Variants in SOX5 observed in about 807,000 individuals in gnomAD.
SOX5 encodes the protein SRY-box transcription factor 5.
SOX5 carries 9 observed loss-of-function variants against 92.0 expected under a neutral mutation model. That is an observed-to-expected ratio of 0.10 (90% CI 0.06 to 0.17). The LOEUF (loss-of-function observed/expected upper bound fraction) is 0.17. Ranked by LOEUF, SOX5 falls within the 10% of genes least tolerant of loss-of-function variation. SOX5 has a pLI of 1.00. For missense variants in SOX5, 642 were observed against 944.5 expected, an observed-to-expected ratio of 0.68 and a Z score of 4.20; for synonymous variants, 344 against 336.3, an observed-to-expected ratio of 1.02 and a Z score of -0.25.
chr12:23,976,828 T>TA (rs1484471856), intron 4 of SOX5, among the ~76,000 whole-genome samples: 1 of 151,634 alleles, frequency 6.6e-6, no homozygotes, highest in East Asian at 1.9e-4. Context: ...TTTTTTTTTT[T>TA]AAAACAAAAA....
At chr12:24,092,310 A>T (rs918842262) in intron 4 of SOX5, among the ~76,000 whole-genome samples, 6 of 150,254 alleles carry the variant, frequency 4.0e-5, no homozygotes, top group African/African-American at 1.5e-4. Context: ...ATGCTGCGGA[A>T]TTTTTTTTTT....
intron 4 of SOX5, among the ~76,000 whole-genome samples, chr12:23,745,955 C>T (rs1355759190): frequency 1.3e-5 from 2 of 152,072 alleles, no homozygotes; most frequent in Non-Finnish European, 2.9e-5. Context: ...TCATCTAACA[C>T]CGTTTAATGA....
At chr12:24,385,017 TGAGAGAGA>T (rs144729275) in intron 1 of SOX5, among the ~76,000 whole-genome samples, 1 of 150,512 alleles carries the variant, frequency 6.6e-6, no homozygotes, top group Non-Finnish European at 1.5e-5. Flanking sequence ...TAAGATATTT[TGAGAGAGA>T]GAGAGAGAGA....
intron 1 of SOX5, among the ~76,000 whole-genome samples, chr12:24,401,356 G>GAAAA (rs1425838279): frequency 0.19 from 27,358 of 143,810 alleles, 3,177 homozygotes; most frequent in South Asian, 0.27. Context: ...CATCTCAGGG[G>GAAAA]AAAAAAAAAA....
intron 1 of SOX5, among the ~76,000 whole-genome samples, chr12:24,424,200 AATAG>A (rs932215245): frequency 2.8e-4 from 43 of 152,318 alleles, no homozygotes; most frequent in African/African-American, 9.1e-4. Flanking sequence ...CAGCTTTAAG[AATAG>A]ATAAAGGACT....
rs1005020256 is a variant in SOX5, at chr12:23,981,124, A to G, written c.-1-85100T>C. On this transcript the variant is annotated intron_variant, in intron 4 of 4. Coordinates refer to the SOX5 transcript ENST00000446891. ...TATATCTATATGGTAGGGACTTTCAATCAGTAGCCAGGATCTGCTACTAGA... is the reference window on the plus strand; with the variant it reads ...TATATCTATATGGTAGGGACTTTCAGTCAGTAGCCAGGATCTGCTACTAGA... Among the ~76,000 whole-genome samples, 5 of 152,228 alleles carry G rather than the reference A, an allele frequency of 3.3e-5. 1 individual carries two copies. The South Asian group carries it at 6.2e-4, about 19-fold the overall frequency.
intron 3 of SOX5, among the ~76,000 whole-genome samples, chr12:24,232,845 A>T (rs1181684801): frequency 6.6e-6 from 1 of 152,198 alleles, no homozygotes; most frequent in Non-Finnish European, 1.5e-5. Context: ...TATAATATCC[A>T]TATTTCCGAC....
chr12:24,478,736 T>G (rs564297007), intron 1 of SOX5, among the ~76,000 whole-genome samples: 34 of 152,356 alleles, frequency 2.2e-4, no homozygotes, highest in Admixed American at 9.1e-4. Flanking sequence ...TCCACTGAAG[T>G]CTTTTATTCC....
intron 9 of SOX5, among the ~76,000 whole-genome samples, chr12:23,590,200 G>A (rs892008268): frequency 1.3e-5 from 2 of 151,958 alleles, no homozygotes; most frequent in Non-Finnish European, 2.9e-5. Context: ...CTGAGAAAGT[G>A]ATTTCATCTG....
At chr12:24,048,366 T>C (rs1270045674) in intron 4 of SOX5, among the ~76,000 whole-genome samples, 1 of 152,160 alleles carries the variant, frequency 6.6e-6, no homozygotes, top group Non-Finnish European at 1.5e-5. Context: ...ATTCCGCATG[T>C]CTCAAGTCCA....
intron 1 of SOX5, among the ~76,000 whole-genome samples, chr12:24,504,935 C>T (rs940839815): frequency 3.3e-5 from 5 of 152,112 alleles, no homozygotes; most frequent in African/African-American, 7.2e-5. Context: ...AAAAAAATAC[C>T]ATATCTATGT....
chr12:24,076,087 T>A (rs1357692623), intron 4 of SOX5, among the ~76,000 whole-genome samples: 2 of 152,116 alleles, frequency 1.3e-5, no homozygotes, highest in Non-Finnish European at 2.9e-5. Context: ...TGAGAGAGTG[T>A]TTTTTGTCGT....
chr12:24,460,017 A>T lies in SOX5; in HGVS notation c.-250-91378T>A, dbSNP rs988349613. Among the ~76,000 whole-genome samples, 3 of 152,204 alleles carry T rather than the reference A, an allele frequency of 2.0e-5. No individual in the cohort carries two copies. In the East Asian group the frequency reaches 5.8e-4, roughly 29 times the overall value. On this transcript the variant is annotated intron_variant, in intron 1 of 4. Transcript: ENST00000446891. ...CAGTTTTATTATAGTTCACGAAGTG[A>T]GCAAGAAAAAATTGTGTCTGCATCA...
chr12:23,991,439 A>G (rs115593199), intron 4 of SOX5, among the ~76,000 whole-genome samples: 2,780 of 152,064 alleles, frequency 0.018, 86 homozygotes, highest in African/African-American at 0.063. Context: ...TTCTGCAGTA[A>G]AATATATTAT....
chr12:23,803,625 A>G (rs1200982990), intron 3 of SOX5, among the ~76,000 whole-genome samples: 4 of 152,236 alleles, frequency 2.6e-5, no homozygotes, highest in Admixed American at 2.6e-4. Flanking sequence ...AGGAACACAA[A>G]AATGAAATGA....
chr12:24,406,210 G>A (rs1200672061), intron 1 of SOX5, among the ~76,000 whole-genome samples: 5 of 152,126 alleles, frequency 3.3e-5, no homozygotes, highest in Admixed American at 2.0e-4. Flanking sequence ...GATCAACGGC[G>A]GTATTCACAA....
chr12:24,296,933 A>G (rs1462169261), intron 2 of SOX5, among the ~76,000 whole-genome samples: 1 of 22,552 alleles, frequency 4.4e-5, no homozygotes, highest in African/African-American at 1.4e-4. Context: ...ACAGACAGAC[A>G]CACACACACA....
rs1951035647 is a variant in SOX5 at position 23,588,369 on chromosome 12, T to C, written c.1165-12531A>G. Among the ~76,000 whole-genome samples, 2 of 151,998 alleles carry C rather than the reference T, an allele frequency of 1.3e-5. 1 individual carries two copies. Among genetic ancestry groups the C allele is most frequent in the South Asian group, 4.1e-4 (2 of 4,832 alleles). Reference sequence around the variant, plus strand: ...TTAAGTGTCTATACTGTGTCAAGCATGTCATAAAGCATGAGGAATTGCAAG... The same window carrying C: ...TTAAGTGTCTATACTGTGTCAAGCACGTCATAAAGCATGAGGAATTGCAAG... On this transcript the variant is annotated intron_variant, in intron 9 of 14. Coordinates refer to ENST00000451604, the MANE Select transcript of SOX5 (RefSeq NM_006940.6).
intron 6 of SOX5, among the ~76,000 whole-genome samples, chr12:23,704,758 C>T (rs1348538089): frequency 8.0e-6 from 1 of 125,718 alleles, no homozygotes; most frequent in East Asian, 2.4e-4. Flanking sequence ...AGACAGATAC[C>T]TACTGTATAC....
Sources: gnomAD v4.1 joint callset for allele counts (sites outside exome capture counted in the v4.1 genomes callset) on GRCh38, gnomAD v4.1.1 for gene constraint, MANE v1.5 for transcripts, NCBI Gene and HGNC (gene_info 2026-07-23, HGNC 2026-07-21) for gene names.